AHRR: variants seen among roughly 807,000 people sequenced by gnomAD.
AHRR encodes the protein ahR repressor.
A neutral mutation model predicts 44.0 loss-of-function variants in AHRR; 28 were observed. The observed-to-expected ratio is 0.64, with a 90% CI of 0.47 to 0.87. The LOEUF is 0.87. Among genes scored for constraint, AHRR ranks in the 40% least tolerant of loss-of-function variants. AHRR has a pLI of 0.00. For missense variants in AHRR, 990 were observed against 953.9 expected (o/e 1.04, Z -0.50); for synonymous variants, 434 against 407.0 (o/e 1.07, Z -0.80).
At position 419,490 on chromosome 5, in the gene AHRR, C is replaced by A. The variant is rs544776205; in HGVS notation, c.442-3239C>A. On this transcript the variant is annotated intron_variant, in intron 5 of 10. Transcript: ENST00000684583. The surrounding 1 kb of genome is among the most constrained non-coding windows in gnomAD (Gnocchi z 4.4). Reference sequence around the variant, plus strand: ...CTGAGAGTTTTAGTCTTTTAAGCAACATTTATAAATGAAGAAATTAGGGAT... The same window carrying A: ...CTGAGAGTTTTAGTCTTTTAAGCAAAATTTATAAATGAAGAAATTAGGGAT... Among the ~76,000 whole-genome samples the A allele has an allele frequency of 1.3e-5, 2 of 152,142 alleles. No individual in the cohort carries two copies. Among genetic ancestry groups the A allele is most frequent in the Non-Finnish European group, 2.9e-5 (2 of 68,030 alleles).
intron 4 of AHRR, among the ~76,000 whole-genome samples, chr5:401,722 C>G (rs1005896307): frequency 1.3e-5 from 2 of 152,196 alleles, no homozygotes; most frequent in Non-Finnish European, 2.9e-5. Context: ...TCTGAGTCAC[C>G]GTTTCTCCCA....
chr5:377,609 G>T (rs886708996), intron 4 of AHRR, among the ~76,000 whole-genome samples: 2 of 152,230 alleles, frequency 1.3e-5, no homozygotes, highest in African/African-American at 4.8e-5. Context: ...ATGGAGCTGT[G>T]CACCCCCAGT....
chr5:324,161 G>A (rs1253581624), intron 1 of AHRR, among the ~76,000 whole-genome samples: 1 of 151,658 alleles, frequency 6.6e-6, no homozygotes, highest in Non-Finnish European at 1.5e-5. Context: ...CCAGGTTCAA[G>A]CAATTCTCCT....
In AHRR at chr5:397,391, A is replaced by C. The variant is rs1348079822; in HGVS notation, c.352-15953A>C. Among the ~76,000 whole-genome samples the C allele has an allele frequency of 6.8e-5, 8 of 117,568 alleles. No individual in the cohort carries two copies. The East Asian group carries it at 8.5e-4, about 13-fold the overall frequency. 77.1% of individuals were successfully genotyped at this position (117,568 alleles called of 152,430 possible). A position where few individuals can be genotyped will look rare whatever the true frequency, so the allele number is the denominator to read the frequency against. ...CCATCCACGTAGCCCCTGACCATCC[A>C]TGTTAGCCCCTGACCATCCCTGTTA... On this transcript the variant is annotated intron_variant, in intron 4 of 10. Coordinates refer to ENST00000684583, the MANE Select transcript of AHRR (RefSeq NM_001377236.1).
At chr5:361,115 G>C (rs1305121837) in intron 3 of AHRR, among the ~76,000 whole-genome samples, 1 of 152,204 alleles carries the variant, frequency 6.6e-6, no homozygotes, top group Non-Finnish European at 1.5e-5. Flanking sequence ...CAGGCATGGT[G>C]GTGGGCGTCT....
At chr5:394,961 C>T (rs951121522) in intron 4 of AHRR, among the ~76,000 whole-genome samples, 7 of 152,238 alleles carry the variant, frequency 4.6e-5, no homozygotes, top group African/African-American at 9.6e-5. Flanking sequence ...CTTGCGTCTC[C>T]GGATCTTGCC....
intron 6 of AHRR, 31 bp downstream of exon 6, chr5:422,889 A>G (rs372955294): frequency 1.3e-6 from 2 of 1,595,788 alleles, no homozygotes; most frequent in Admixed American, 3.5e-5. Flanking sequence ...TGAGTCAGCA[A>G]AACCTAAAGC....
chr5:396,517 A>G (rs1052403566), intron 4 of AHRR, among the ~76,000 whole-genome samples: 2 of 152,148 alleles, frequency 1.3e-5, no homozygotes, highest in African/African-American at 4.8e-5. Flanking sequence ...AGCCCCACAG[A>G]ACACACTTGG....
rs1056475718 is a variant in AHRR, at chr5:338,176, A to G, written c.-10-5717A>G. 6.6e-6 allele frequency among the ~76,000 whole-genome samples: 1 copy of G among 152,214 alleles called. No homozygotes were observed. The highest frequency in any genetic ancestry group is 1.5e-5 in the Non-Finnish European group (1 of 68,044). The stretch of plus-strand genomic sequence containing the variant: ...AACACACTGTTGTTATTGCTTAGTC[A>G]CTTATCTTTTAAAGATATCTAAGCA... On this transcript the variant is annotated intron_variant, in intron 1 of 10. Coordinates refer to ENST00000684583, the MANE Select transcript of AHRR (RefSeq NM_001377236.1). The surrounding 1 kb of genome is among the most constrained non-coding windows in gnomAD (Gnocchi z 4.1).
At position 435,158 on chromosome 5, in the gene AHRR, A is replaced by G. The variant is rs75578022; in HGVS notation, c.*324A>G. Reference sequence around the variant, plus strand: ...CCCAGAGGCAGCGAGCACCCGTCCCATGGCTGCCAAGTCCACAGTCGGGGA... The same window carrying G: ...CCCAGAGGCAGCGAGCACCCGTCCCGTGGCTGCCAAGTCCACAGTCGGGGA... On this transcript the variant is annotated 3_prime_UTR_variant, in exon 11 of 11. Transcript: ENST00000684583. 0.077 allele frequency: 23,295 copies of G among 302,202 alleles called. 1,083 individuals are homozygous for G. The highest frequency in any genetic ancestry group is 0.13 in the Admixed American group (2,694 of 21,188). The allele number at this position is 302,202 out of a possible 1,614,324, so 18.7% of individuals were successfully genotyped here.
At chr5:328,782 T>A (rs1741814711) in intron 1 of AHRR, among the ~76,000 whole-genome samples, 1 of 152,240 alleles carries the variant, frequency 6.6e-6, no homozygotes. Flanking sequence ...TCGTATATTC[T>A]GGTTACTACT....
At chr5:334,531 T>A (rs1742053109) in intron 1 of AHRR, among the ~76,000 whole-genome samples, 1 of 152,068 alleles carries the variant, frequency 6.6e-6, no homozygotes, top group South Asian at 2.1e-4. Flanking sequence ...TATTTTGTAT[T>A]TCTGGTTTTT....
At chr5:414,196 T>G (rs769098315) in intron 5 of AHRR, among the ~76,000 whole-genome samples, 22 of 151,834 alleles carry the variant, frequency 1.4e-4, no homozygotes, top group Admixed American at 2.6e-4. Flanking sequence ...CTGGGAGGTG[T>G]AGGTTGCAGT....
At chr5:380,517 A>G (rs1733937140) in intron 4 of AHRR, among the ~76,000 whole-genome samples, 1 of 152,174 alleles carries the variant, frequency 6.6e-6, no homozygotes, top group Admixed American at 6.5e-5. Flanking sequence ...GGTGTTTTGT[A>G]GTTTTCAGCA....
At chr5:361,351 A>G (rs1453507019) in intron 3 of AHRR, among the ~76,000 whole-genome samples, 1 of 152,254 alleles carries the variant, frequency 6.6e-6, no homozygotes, top group South Asian at 2.1e-4. Flanking sequence ...AGCAGAGGCC[A>G]GGAGTGGGAT....
At position 427,805 on chromosome 5, in the gene AHRR, A is replaced by G. The variant is rs1736519016; in HGVS notation, c.709-2A>G. ...CCTTCCTCTCTGTCTTTAAAACACCAGACGATGCAGTTTCAAGGAAAACTA... is the reference window on the plus strand; with the variant it reads ...CCTTCCTCTCTGTCTTTAAAACACCGGACGATGCAGTTTCAAGGAAAACTA... On this transcript the variant is annotated splice_acceptor_variant, in intron 7 of 10. Coordinates refer to ENST00000684583, the MANE Select transcript of AHRR (RefSeq NM_001377236.1). LOFTEE classifies it high-confidence loss of function. 1 of 1,614,010 alleles carries G rather than the reference A, an allele frequency of 6.2e-7. No homozygotes were observed. The highest frequency in any genetic ancestry group is 8.5e-7 in the Non-Finnish European group (1 of 1,179,974).
chr5:363,063 T>G (rs1743235295), intron 3 of AHRR, among the ~76,000 whole-genome samples: 1 of 152,192 alleles, frequency 6.6e-6, no homozygotes, highest in South Asian at 2.1e-4. Context: ...GCAAAACAGT[T>G]AAAACTCTAC....
Position 404,230 on chromosome 5 carries a change from G to A in AHRR, c.352-9114G>A. 1.9e-6 allele frequency: 1 copy of A among 518,680 alleles called. No homozygotes were observed. The highest frequency in any genetic ancestry group is 3.8e-6 in the Non-Finnish European group (1 of 262,862). 32.1% of individuals were successfully genotyped at this position (518,680 alleles called of 1,614,324 possible). A position where few individuals can be genotyped will look rare whatever the true frequency, so the allele number is the denominator to read the frequency against. On this transcript the variant is annotated intron_variant, in intron 4 of 10. Coordinates refer to ENST00000684583, the MANE Select transcript of AHRR (RefSeq NM_001377236.1). This position sits in a 1 kb window ranked among gnomAD's most constrained non-coding sequence, Gnocchi z 4.1. ...CGTCGCAGCTCTCGCTCATCCATGA[G>A]TCTAATCACATCTGCTCCATGCATG... is the stretch of plus-strand genomic sequence containing the variant.
intron 1 of AHRR, among the ~76,000 whole-genome samples, chr5:328,308 CCCAGGCTGGAG>C (rs1741791929): frequency 7.4e-6 from 1 of 135,098 alleles, no homozygotes; most frequent in Admixed American, 8.1e-5. Flanking sequence ...CCCTCTGTCG[CCCAGGCTGGAG>C]TGCAGTGGTG....
Sources: gnomAD v4.1 joint callset for allele counts (sites outside exome capture counted in the v4.1 genomes callset) on GRCh38, gnomAD v4.1.1 for gene constraint, Gnocchi (gnomAD v3.1) non-coding constraint, MANE v1.5 for transcripts, NCBI Gene and HGNC (gene_info 2026-07-23, HGNC 2026-07-21) for gene names.